Variants in HHAT observed in about 807,000 individuals in gnomAD.
HHAT encodes protein-cysteine N-palmitoyltransferase HHAT.
A neutral mutation model predicts 70.8 loss-of-function variants in HHAT; 47 were observed. The observed-to-expected ratio is 0.66, with a 90% confidence interval of 0.53 to 0.85. HHAT has a LOEUF of 0.85. Ranked by LOEUF, HHAT falls within the 40% of genes least tolerant of loss-of-function variation. The probability of loss-of-function intolerance (pLI) is 0.00; values close to 1 mark genes in which losing one functional copy is unlikely to be tolerated. For missense variants in HHAT, 609 were observed against 604.8 expected (o/e 1.01, Z -0.07); for synonymous variants, 228 against 247.6 (o/e 0.92, Z 0.74).
rs189449492 is a variant in HHAT, at chr1:210,488,978, T to G, written c.1008-24175T>G. Among the ~76,000 whole-genome samples, 205 of 152,344 alleles carry G rather than the reference T, an allele frequency of 1.3e-3. 1 individual carries two copies. Among genetic ancestry groups the G allele is most frequent in the Middle Eastern group, 3.4e-3 (1 of 294 alleles). ...GAGGGAACTCATTCTCCGGTTTGGC[T>G]TAAGTGAGAAAGGAACTTTCCATAC... On this transcript the variant is annotated intron_variant, in intron 8 of 11. Coordinates refer to ENST00000261458, the MANE Select transcript of HHAT (RefSeq NM_018194.6).
chr1:210,439,310 C>T (rs544323894), intron 7 of HHAT, among the ~76,000 whole-genome samples: 1 of 151,934 alleles, frequency 6.6e-6, no homozygotes, highest in South Asian at 2.1e-4. Context: ...TCCACTCAGA[C>T]ATTCTTATCT....
At chr1:210,645,879 A>G (rs865785514) in intron 11 of HHAT, among the ~76,000 whole-genome samples, 9 of 151,210 alleles carry the variant, frequency 6.0e-5, no homozygotes, top group Admixed American at 3.9e-4. Flanking sequence ...AGGGTTCCCT[A>G]TACGCTCTCT....
At chr1:210,410,725 C>T (rs2092520524) in intron 6 of HHAT, among the ~76,000 whole-genome samples, 1 of 151,510 alleles carries the variant, frequency 6.6e-6, no homozygotes, top group Non-Finnish European at 1.5e-5. Context: ...AGGGTTTGAC[C>T]CTGTTGGCCA....
chr1:210,538,646 A>T (rs2095398959), intron 9 of HHAT, among the ~76,000 whole-genome samples: 1 of 152,220 alleles, frequency 6.6e-6, no homozygotes, highest in Admixed American at 6.5e-5. Context: ...AAAAGGAGAT[A>T]CAAATATTGA....
chr1:210,579,476 A>G (rs1463279798), intron 9 of HHAT, among the ~76,000 whole-genome samples: 2 of 152,132 alleles, frequency 1.3e-5, no homozygotes, highest in African/African-American at 4.8e-5. Flanking sequence ...TACTTAAACA[A>G]TTGTTAGCAG....
chr1:210,494,282 T>C (rs1006477607), intron 8 of HHAT, among the ~76,000 whole-genome samples: 2 of 152,162 alleles, frequency 1.3e-5, no homozygotes, highest in African/African-American at 2.4e-5. Flanking sequence ...CTGTTGAGAA[T>C]GGCTTTTTGG....
chr1:210,374,977 A>T (rs2090067875), intron 3 of HHAT, among the ~76,000 whole-genome samples: 1 of 151,710 alleles, frequency 6.6e-6, no homozygotes, highest in Admixed American at 6.6e-5. Context: ...GTTGTTGCTA[A>T]CAGGAGAACC....
At chr1:210,488,006 C>T (rs1326053115) in intron 8 of HHAT, among the ~76,000 whole-genome samples, 1 of 152,208 alleles carries the variant, frequency 6.6e-6, no homozygotes, top group African/African-American at 2.4e-5. Context: ...TTTCAATCAT[C>T]TGGCTGCTTC....
chr1:210,350,678 A>G (rs1169417176), intron 2 of HHAT, among the ~76,000 whole-genome samples: 1 of 152,194 alleles, frequency 6.6e-6, no homozygotes, highest in Non-Finnish European at 1.5e-5. Context: ...GATTTTCTAC[A>G]TAGGTAATCA....
At chr1:210,447,417 G>T (rs1040746732) in intron 7 of HHAT, among the ~76,000 whole-genome samples, 2 of 152,182 alleles carry the variant, frequency 1.3e-5, no homozygotes, top group Non-Finnish European at 2.9e-5. Flanking sequence ...GTGCACGATG[G>T]ATTAGAAACA....
At chr1:210,606,201 T>C (rs10746430) in intron 10 of HHAT, among the ~76,000 whole-genome samples, 123,205 of 152,184 alleles carry the variant, frequency 0.81, 52,070 homozygotes, top group East Asian at 0.99. Flanking sequence ...CTGCTTTCTT[T>C]ATGAAATGTT....
At chr1:210,584,082 A>G (rs985927360) in intron 9 of HHAT, among the ~76,000 whole-genome samples, 2 of 150,570 alleles carry the variant, frequency 1.3e-5, no homozygotes, top group African/African-American at 4.9e-5. Flanking sequence ...AGCTGAGACT[A>G]CAGGTGTGCA....
At chr1:210,541,380 G>A (rs1239919835) in intron 9 of HHAT, among the ~76,000 whole-genome samples, 1 of 152,094 alleles carries the variant, frequency 6.6e-6, no homozygotes, top group Non-Finnish European at 1.5e-5. Context: ...CAAGCTCTTT[G>A]AGGGTAAAGG....
At chr1:210,488,045 A>C (rs1230713003) in intron 8 of HHAT, among the ~76,000 whole-genome samples, 1 of 152,182 alleles carries the variant, frequency 6.6e-6, no homozygotes, top group Non-Finnish European at 1.5e-5. Context: ...ATCTGTATGT[A>C]ATTAAAATTA....
At chr1:210,389,184 A>C (rs1251485929) in intron 4 of HHAT, among the ~76,000 whole-genome samples, 1 of 146,344 alleles carries the variant, frequency 6.8e-6, no homozygotes, top group Non-Finnish European at 1.5e-5. Context: ...CATAAAACTG[A>C]GTAATTTTAT....
chr1:210,412,220 T>C (rs766146499), intron 6 of HHAT, among the ~76,000 whole-genome samples: 6 of 151,946 alleles, frequency 3.9e-5, no homozygotes, highest in Non-Finnish European at 8.8e-5. Flanking sequence ...GATTTCAACA[T>C]AGGAATTTTT....
At chr1:210,520,457 G>C (rs75001852) in intron 9 of HHAT, among the ~76,000 whole-genome samples, 1 of 150,370 alleles carries the variant, frequency 6.7e-6, no homozygotes, top group African/African-American at 2.5e-5. Context: ...ACTTTTTTTC[G>C]CTCTGGTTTG....
intron 11 of HHAT, among the ~76,000 whole-genome samples, chr1:210,655,362 G>T (rs1489639382): frequency 2.0e-5 from 3 of 152,168 alleles, no homozygotes; most frequent in Non-Finnish European, 4.4e-5. Flanking sequence ...ATGGCGCCCT[G>T]TTCTGTCTCC....
At chr1:210,555,329 C>T (rs1020261376) in intron 9 of HHAT, among the ~76,000 whole-genome samples, 8 of 152,142 alleles carry the variant, frequency 5.3e-5, no homozygotes, top group South Asian at 2.1e-4. Flanking sequence ...GAAGAGAAAG[C>T]GTCAGCCTCC....
Sources: allele counts gnomAD v4.1 joint callset (sites outside exome capture counted in the v4.1 genomes callset), GRCh38; gene constraint gnomAD v4.1.1; transcripts MANE v1.5; gene names NCBI Gene and HGNC (gene_info 2026-07-23, HGNC 2026-07-21).